WFDC1: variants seen among roughly 807,000 people sequenced by gnomAD.
WFDC1 encodes WAP four-disulfide core domain protein 1.
WFDC1 carries 39 observed loss-of-function variants against 32.9 expected under a neutral mutation model. That is an observed-to-expected ratio of 1.19 (90% confidence interval 0.92 to 1.55). WFDC1 has a LOEUF of 1.55. Ranked by LOEUF, WFDC1 falls within the 40% of genes most tolerant of loss-of-function variation. The pLI is 0.00. For synonymous variants in WFDC1, 184 were observed against 137.4 expected (o/e 1.34, Z -2.37); for missense variants, 386 against 309.5 (o/e 1.25, Z -1.85).
chr16:84,313,443 C>A (rs1334563509), intron 2 of WFDC1, among the ~76,000 whole-genome samples: 1 of 152,236 alleles, frequency 6.6e-6, no homozygotes, highest in African/African-American at 2.4e-5. Context: ...CCCTAGATGC[C>A]TCCAGGGAGC....
intron 5 of WFDC1, 85 bp downstream of exon 5, chr16:84,324,545 C>T: frequency 1.3e-6 from 2 of 1,490,926 alleles, no homozygotes; most frequent in Non-Finnish European, 1.8e-6. Context: ...AAATAAAAGC[C>T]CAGGGCTGAG....
At chr16:84,306,116 G>A (rs918094686) in intron 1 of WFDC1, among the ~76,000 whole-genome samples, 3 of 152,108 alleles carry the variant, frequency 2.0e-5, no homozygotes. Context: ...CGCAGGTGTG[G>A]TCTCTTTTGA....
intron 1 of WFDC1, among the ~76,000 whole-genome samples, chr16:84,309,525 G>A (rs936794750): frequency 1.3e-5 from 2 of 152,062 alleles, no homozygotes; most frequent in African/African-American, 4.8e-5. Flanking sequence ...TTTATAGAAT[G>A]TGCCTGGCAG....
intron 4 of WFDC1, among the ~76,000 whole-genome samples, 164 bp downstream of exon 4, chr16:84,319,735 G>T (rs1053617448): frequency 6.6e-6 from 1 of 152,084 alleles, no homozygotes; most frequent in Non-Finnish European, 1.5e-5. Context: ...CTTCTTTCAT[G>T]GCCCCTACCC....
chr16:84,307,154 G>A (rs1317651432), intron 1 of WFDC1, among the ~76,000 whole-genome samples: 1 of 152,072 alleles, frequency 6.6e-6, no homozygotes, highest in African/African-American at 2.4e-5. Flanking sequence ...CGTGGAGGGG[G>A]TCAGGGGAGT....
At chr16:84,297,300 T>C (rs1906653864) in intron 1 of WFDC1, among the ~76,000 whole-genome samples, 1 of 152,092 alleles carries the variant, frequency 6.6e-6, no homozygotes, top group Admixed American at 6.5e-5. Context: ...CCTCAGCGCC[T>C]AGACATAGGT....
At chr16:84,324,532 A>C in intron 5 of WFDC1, 72 bp downstream of exon 5, 2 of 1,542,968 alleles carry the variant, frequency 1.3e-6, no homozygotes, top group Admixed American at 3.9e-5. Flanking sequence ...TATGTGAAGA[A>C]AAAAATAAAA....
At position 84,313,064 on chromosome 16, in the gene WFDC1, G is replaced by C; in HGVS notation, c.248G>C (p.Cys83Ser). The C allele has an allele frequency of 3.5e-6, 5 of 1,412,344 alleles. No homozygotes were observed. Among genetic ancestry groups the C allele is most frequent in the Non-Finnish European group, 4.6e-6 (5 of 1,086,694 alleles). 87.5% of individuals were successfully genotyped at this position (1,412,344 alleles called of 1,614,324 possible). The change falls in exon 2 of 7, where the codon TGT (cysteine) becomes TCT (serine). Residue 83 changes from cysteine (C) to serine (S), a missense_variant. By Grantham distance (112) the Cys-to-Ser change is moderately radical. Transcript: ENST00000219454. ...CCCGGCGCCTGCCAGGCCGCGCGCT[G>C]TCAGGCGGACTCCGAGTGCCCGCGG... The part of the protein sequence containing the change: ...LPPGACQAAR[C>S]QADSECPRHR...
At chr16:84,304,664 G>C (rs1375942941) in intron 1 of WFDC1, among the ~76,000 whole-genome samples, 1 of 152,206 alleles carries the variant, frequency 6.6e-6, no homozygotes, top group African/African-American at 2.4e-5. Context: ...ATAAAAGCTG[G>C]AAATCACGGG....
chr16:84,302,715 A>G (rs1282414621), intron 1 of WFDC1, among the ~76,000 whole-genome samples: 1 of 152,156 alleles, frequency 6.6e-6, no homozygotes, highest in Admixed American at 6.5e-5. Context: ...ACAAAAAGCA[A>G]TTCGTTCGCC....
intron 1 of WFDC1, among the ~76,000 whole-genome samples, chr16:84,297,691 T>A (rs1221148040): frequency 1.3e-5 from 2 of 149,734 alleles, no homozygotes; most frequent in African/African-American, 4.9e-5. Context: ...GCTGTTCGCC[T>A]GTGGCTCAGA....
At chr16:84,324,795 T>A (rs1197143018) in intron 5 of WFDC1, among the ~76,000 whole-genome samples, 1 of 152,138 alleles carries the variant, frequency 6.6e-6, no homozygotes, top group Admixed American at 6.5e-5. Context: ...CATCCATCTC[T>A]CCATCTATTA....
intron 2 of WFDC1, among the ~76,000 whole-genome samples, chr16:84,315,542 A>G (rs1409466931): frequency 6.6e-6 from 1 of 152,148 alleles, no homozygotes; most frequent in Non-Finnish European, 1.5e-5. Context: ...TAATAACAAC[A>G]ATGCTGTCTA....
intron 5 of WFDC1, among the ~76,000 whole-genome samples, chr16:84,325,190 C>T (rs1567665170): frequency 7.0e-6 from 1 of 142,648 alleles, no homozygotes. Flanking sequence ...ACTTATCCAT[C>T]TATCCACCCA....
chr16:84,313,085 C>G lies in WFDC1; in HGVS notation c.269C>G (p.Pro90Arg), dbSNP rs762625690. Residue 90 changes from proline to arginine, a missense_variant, in exon 2 of 7, where the codon CCG (proline) becomes CGG (arginine). Coordinates refer to ENST00000219454, the MANE Select transcript of WFDC1 (RefSeq NM_021197.4). The stretch of plus-strand genomic sequence containing the variant: ...CGCTGTCAGGCGGACTCCGAGTGCC[C>G]GCGGCACCGGCGCTGCTGCTACAAC... Reference protein sequence around the residue: ...AARCQADSECPRHRRCCYNGC... With the variant: ...AARCQADSECRRHRRCCYNGC... 10 of 1,426,432 alleles carry G rather than the reference C, an allele frequency of 7.0e-6. No homozygotes were observed. The highest frequency in any genetic ancestry group is 4.4e-5 in the South Asian group (3 of 68,926). The allele number at this position is 1,426,432 out of a possible 1,614,324, so 88.4% of individuals were successfully genotyped here. A position where few individuals can be genotyped will look rare whatever the true frequency, so the allele number is the denominator to read the frequency against.
chr16:84,312,908 G>C, intron 1 of WFDC1, 53 bp from the exon 2 acceptor site: 1 of 1,100,542 alleles, frequency 9.1e-7, no homozygotes, highest in Non-Finnish European at 1.1e-6. Flanking sequence ...TCCGGGTGGC[G>C]CCGGGACTCG....
intron 2 of WFDC1, chr16:84,317,342 A>G (rs1908021370): frequency 7.9e-6 from 1 of 125,918 alleles, no homozygotes; most frequent in South Asian, 2.6e-4. Flanking sequence ...ATAAATAAGA[A>G]GTAAATAAAT....
rs557639202 is a variant in WFDC1, at chr16:84,311,023, C to T, written c.145-1938C>T. On this transcript the variant is annotated intron_variant, in intron 1 of 6. Transcript: ENST00000219454. Reference sequence around the variant, plus strand: ...CCAGGGTGGTTTTTTTCCAATTAATCTATCCTGTATCTAACTCTGTGTGTG... The same window carrying T: ...CCAGGGTGGTTTTTTTCCAATTAATTTATCCTGTATCTAACTCTGTGTGTG... Among the ~76,000 whole-genome samples the T allele has an allele frequency of 1.1e-4, 16 of 152,262 alleles. No individual in the cohort carries two copies. The East Asian group carries it at 2.7e-3, about 26-fold the overall frequency.
Position 84,313,153 on chromosome 16 carries a change from G to A in WFDC1, c.337G>A (p.Val113Ile), listed in dbSNP as rs1278938688. Residue 113 changes from valine (V) to isoleucine (I), a missense_variant and splice_region_variant, in exon 2 of 7, where the codon GTC becomes ATC. Val to Ile is a conservative substitution (Grantham distance 29, BLOSUM62 3). Transcript: ENST00000219454. ...ACLEAVPPPPVLDWLVQPKPR... is the reference protein window; with the variant it reads ...ACLEAVPPPPILDWLVQPKPR... ...CCTAGAAGCTGTGCCGCCCCCGCCA[G>A]GTAGGTCCTGGGCCCGAGGGAGGGG... The A allele has an allele frequency of 4.2e-6, 6 of 1,427,536 alleles. No homozygotes were observed. Among genetic ancestry groups the A allele is most frequent in the African/African-American group, 1.5e-5 (1 of 66,614 alleles). The allele number at this position is 1,427,536 out of a possible 1,614,324, so 88.4% of individuals were successfully genotyped here.
Sources: gnomAD v4.1 joint callset for allele counts (sites outside exome capture counted in the v4.1 genomes callset) on GRCh38, gnomAD v4.1.1 for gene constraint, MANE v1.5 for transcripts, NCBI Gene and HGNC (gene_info 2026-07-23, HGNC 2026-07-21) for gene names.